DNAH11: variants seen among roughly 807,000 people sequenced by gnomAD.
DNAH11 encodes the protein axonemal beta dynein heavy chain 11.
A neutral mutation model predicts 526.0 loss-of-function variants in DNAH11; 442 were observed. The ratio of observed to expected loss-of-function variants is 0.84; its 90% CI spans 0.78 to 0.91. DNAH11 has a LOEUF of 0.91. Ranked by LOEUF, DNAH11 falls within the 40% of genes least tolerant of loss-of-function variation. DNAH11 has a pLI of 0.00. For missense variants in DNAH11, 6,989 were observed against 5,448.7 expected (o/e 1.28, Z -8.90); for synonymous variants, 2,461 against 1,935.9 (o/e 1.27, Z -7.12).
In DNAH11 at chr7:21,894,671, A is replaced by C; in HGVS notation, c.12799A>C (p.Asn4267His). 1 of 1,614,052 alleles carries C rather than the reference A, an allele frequency of 6.2e-7. No homozygotes were observed. The highest frequency in any genetic ancestry group is 8.5e-7 in the Non-Finnish European group (1 of 1,179,886). ...DILEKLPEEF[N>H]MAEIMQKNSN... is the part of the protein sequence containing the mutation. ...TTTGGAGAAACTTCCAGAAGAGTTC[A>C]ACATGGCAGAGATAATGCAAAAAAA... Residue 4267 changes from asparagine to histidine, a missense_variant, in exon 78 of 82, where the codon AAC (asparagine) becomes CAC (histidine). Physicochemically the swap from Asn to His is moderately conservative, Grantham distance 68. Coordinates refer to ENST00000409508, the MANE Select transcript of DNAH11 (RefSeq NM_001277115.2).
intron 58 of DNAH11, 57 bp downstream of exon 58, chr7:21,784,597 G>A: frequency 7.9e-7 from 1 of 1,263,312 alleles, no homozygotes; most frequent in Non-Finnish European, 1.1e-6. Context: ...AAGGTTATTA[G>A]AGTTTGAATA....
At chr7:21,718,060 G>GCCC (rs1302482834) in intron 43 of DNAH11, 135 bp downstream of exon 43, 16 of 1,207,130 alleles carry the variant, frequency 1.3e-5, no homozygotes, top group Non-Finnish European at 1.7e-5. Flanking sequence ...CAACCCTCTT[G>GCCC]CCCCCGCCCC....
intron 57 of DNAH11, among the ~76,000 whole-genome samples, chr7:21,780,476 A>T (rs563456856): frequency 6.6e-6 from 1 of 152,168 alleles, no homozygotes; most frequent in Non-Finnish European, 1.5e-5. Context: ...TACCCAGGGA[A>T]TATTTTTCAG....
In DNAH11 at chr7:21,750,224, G is replaced by A. The variant is rs1224742785; in HGVS notation, c.8800G>A (p.Glu2934Lys). 2 of 1,593,440 alleles carry A rather than the reference G, an allele frequency of 1.3e-6. No homozygotes were observed. Among genetic ancestry groups the A allele is most frequent in the Middle Eastern group, 1.7e-4 (1 of 6,024 alleles). Residue 2934 changes from glutamate to lysine, a missense_variant and splice_region_variant, in exon 54 of 82, where the codon GAA becomes AAA. Transcript: ENST00000409508. Reference protein sequence around the residue: ...VLINDLLASGEIPDLFSDEDV... With the variant: ...VLINDLLASGKIPDLFSDEDV... ...ATTCTACTCATTCTTTGGGGCAGGA[G>A]AAATCCCAGATCTGTTCAGCGATGA...
intron 53 of DNAH11, 68 bp from the exon 54 acceptor site, chr7:21,750,154 T>C (rs1317382025): frequency 6.7e-7 from 1 of 1,487,976 alleles, no homozygotes; most frequent in Non-Finnish European, 9.0e-7. Context: ...ATTTCAAACG[T>C]TTAAAAGTTA....
chr7:21,650,644 A>AT (rs150411738), intron 28 of DNAH11, among the ~76,000 whole-genome samples: 9,249 of 140,568 alleles, frequency 0.066, 323 homozygotes, highest in African/African-American at 0.078. Context: ...TTTTATTATT[A>AT]TTTTTTTCTT....
At chr7:21,573,380 A>G (rs1485720712) in intron 8 of DNAH11, among the ~76,000 whole-genome samples, 2 of 152,186 alleles carry the variant, frequency 1.3e-5, no homozygotes, top group Non-Finnish European at 2.9e-5. Context: ...AGTTCCCTTC[A>G]TCCTCCTGTC....
At chr7:21,730,721 T>C (rs1397554398) in intron 45 of DNAH11, among the ~76,000 whole-genome samples, 3 of 152,186 alleles carry the variant, frequency 2.0e-5, no homozygotes, top group Non-Finnish European at 2.9e-5. Flanking sequence ...GGTCAAGGGA[T>C]ACAAAATTTC....
intron 54 of DNAH11, among the ~76,000 whole-genome samples, chr7:21,754,893 T>C (rs746516322): frequency 1.3e-5 from 2 of 152,226 alleles, no homozygotes; most frequent in African/African-American, 2.4e-5. Flanking sequence ...CCCCACATCC[T>C]TGGAATTTTA....
At chr7:21,586,732 T>G (rs1784490299) in intron 9 of DNAH11, among the ~76,000 whole-genome samples, 1 of 152,232 alleles carries the variant, frequency 6.6e-6, no homozygotes, top group Non-Finnish European at 1.5e-5. Context: ...ATACAGTTTA[T>G]CTACCACTGT....
intron 6 of DNAH11, among the ~76,000 whole-genome samples, chr7:21,566,853 C>A (rs769855699): frequency 1.3e-5 from 2 of 152,074 alleles, no homozygotes; most frequent in Non-Finnish European, 2.9e-5. Context: ...TTTCTGTCCT[C>A]CTAAACTTAT....
At chr7:21,654,847 C>T (rs187890348) in intron 28 of DNAH11, among the ~76,000 whole-genome samples, 41 of 152,280 alleles carry the variant, frequency 2.7e-4, no homozygotes, top group Middle Eastern at 6.8e-3. Context: ...AATTTACCTA[C>T]ACAACACATG....
intron 44 of DNAH11, among the ~76,000 whole-genome samples, chr7:21,722,179 A>G (rs1416702667): frequency 6.6e-6 from 1 of 152,190 alleles, no homozygotes; most frequent in East Asian, 1.9e-4. Context: ...ATGGTTCTTC[A>G]AGGTATCCTC....
At chr7:21,639,862 C>G (rs1463054281) in intron 28 of DNAH11, among the ~76,000 whole-genome samples, 1 of 146,786 alleles carries the variant, frequency 6.8e-6, no homozygotes, top group Non-Finnish European at 1.5e-5. Context: ...GTGGAGTTTT[C>G]TCCATGTTTT....
chr7:21,806,554 T>C, intron 62 of DNAH11, among the ~76,000 whole-genome samples: 1 of 152,208 alleles, frequency 6.6e-6, no homozygotes, highest in Non-Finnish European at 1.5e-5. Flanking sequence ...GATATTAAGA[T>C]AGCTTGCAGG....
chr7:21,677,203 CTTTT>C (rs34054122), intron 30 of DNAH11, among the ~76,000 whole-genome samples: 5 of 124,144 alleles, frequency 4.0e-5, no homozygotes, highest in South Asian at 5.3e-4. Flanking sequence ...CAGATACTGC[CTTTT>C]TTTTTTTTTT....
At position 21,801,290 on chromosome 7, in the gene DNAH11, T is replaced by A. The variant is rs776333978; in HGVS notation, c.10165+15T>A. 2 of 1,613,370 alleles carry A rather than the reference T, an allele frequency of 1.2e-6. No individual in the cohort carries two copies. The highest frequency in any genetic ancestry group is 4.5e-5 in the East Asian group (2 of 44,858). On this transcript the variant is annotated intron_variant, in intron 62 of 81. Coordinates refer to ENST00000409508, the MANE Select transcript of DNAH11 (RefSeq NM_001277115.2). Reference sequence around the variant, plus strand: ...ACTTGAGGCAAGTTAAACCTTTTCTTCCAAACATTCTAACTAAAATGTTCA... The same window carrying A: ...ACTTGAGGCAAGTTAAACCTTTTCTACCAAACATTCTAACTAAAATGTTCA...
intron 66 of DNAH11, among the ~76,000 whole-genome samples, chr7:21,844,936 C>T (rs888484179): frequency 6.6e-6 from 1 of 152,164 alleles, no homozygotes; most frequent in Non-Finnish European, 1.5e-5. Flanking sequence ...CTGCAACATG[C>T]CAGGAGTGAG....
At chr7:21,603,824 C>A (rs1260603412) in intron 18 of DNAH11, among the ~76,000 whole-genome samples, 1 of 152,142 alleles carries the variant, frequency 6.6e-6, no homozygotes, top group African/African-American at 2.4e-5. Context: ...AGAAAGTAGT[C>A]ATAATAAGTA....
Sources: gnomAD v4.1 joint callset for allele counts (sites outside exome capture counted in the v4.1 genomes callset) on GRCh38, gnomAD v4.1.1 for gene constraint, MANE v1.5 for transcripts, NCBI Gene and HGNC (gene_info 2026-07-23, HGNC 2026-07-21) for gene names.